Variants in CD83 observed in about 807,000 individuals in gnomAD.
The protein encoded by CD83 is CD83 antigen.
Under a neutral mutation model 24.6 loss-of-function variants are expected in CD83, and 22 were observed. The ratio of observed to expected loss-of-function variants is 0.90; its 90% CI spans 0.64 to 1.28. CD83 has a LOEUF of 1.28. Among genes scored for constraint, CD83 ranks in the 50% most tolerant of loss-of-function variants. CD83 has a pLI of 0.00. For synonymous variants in CD83, 101 were observed against 103.5 expected (o/e 0.98, Z 0.14); for missense variants, 253 against 252.8 (o/e 1.00, Z -0.01).
At chr6:14,125,015 T>C (rs1759772734) in intron 2 of CD83, among the ~76,000 whole-genome samples, 1 of 151,998 alleles carries the variant, frequency 6.6e-6, no homozygotes, top group Non-Finnish European at 1.5e-5. Flanking sequence ...GACACAGGGA[T>C]TGGAGTGATG....
intron 2 of CD83, among the ~76,000 whole-genome samples, chr6:14,126,348 G>A (rs1759813131): frequency 6.6e-6 from 1 of 152,178 alleles, no homozygotes; most frequent in Admixed American, 6.5e-5. Flanking sequence ...ATGATGCTTA[G>A]GGTCTGTATA....
intron 2 of CD83, among the ~76,000 whole-genome samples, chr6:14,122,743 T>C (rs991981680): frequency 1.3e-5 from 2 of 152,264 alleles, no homozygotes; most frequent in Non-Finnish European, 1.5e-5. Flanking sequence ...GATGTAAAGT[T>C]GCTTTTCAGA....
rs1758022548 is a variant in CD83, at chr6:14,135,281, G to T, written c.*45G>T. 2 of 1,597,488 alleles carry T rather than the reference G, an allele frequency of 1.3e-6. No homozygotes were observed. Among genetic ancestry groups the T allele is most frequent in the African/African-American group, 1.3e-5 (1 of 74,498 alleles). ...TTCTTCCTGAAGCTGAGGCTCAGGG[G>T]TGTGCCTGTCTGTTACACTGGAGGA... On this transcript the variant is annotated 3_prime_UTR_variant, in exon 5 of 5. Coordinates refer to ENST00000379153, the MANE Select transcript of CD83 (RefSeq NM_004233.4).
intron 2 of CD83, among the ~76,000 whole-genome samples, chr6:14,127,629 A>G (rs941467977): frequency 8.6e-5 from 13 of 152,012 alleles, no homozygotes; most frequent in African/African-American, 3.1e-4. Context: ...CTGCAAATGA[A>G]AGAGAGTTTG....
intron 2 of CD83, 77 bp from the exon 3 acceptor site, chr6:14,131,443 A>T: frequency 9.0e-7 from 1 of 1,107,562 alleles, no homozygotes; most frequent in East Asian, 2.4e-5. Context: ...GGATCTTCTG[A>T]AAACAAAATG....
chr6:14,117,987 G>A lies in CD83; in HGVS notation c.75G>A (p.Val25=), dbSNP rs755396165. The change falls in exon 2 of 5, where the codon GTG becomes GTA. Residue 25 remains valine, a synonymous_variant. Coordinates refer to ENST00000379153, the MANE Select transcript of CD83 (RefSeq NM_004233.4). This position sits in a 1 kb window ranked among gnomAD's most constrained non-coding sequence, Gnocchi z 4.6. ...CTCCCGCGACGCCGGAGGTGAAGGT[G>A]GCTTGCTCCGAAGATGTGGACTTGC... ...SLAPATPEVK[V]ACSEDVDLPC... 3.1e-6 allele frequency: 5 copies of A among 1,611,138 alleles called. No individual in the cohort carries two copies. In the South Asian group the frequency reaches 5.5e-5, roughly 18 times the overall value.
intron 2 of CD83, among the ~76,000 whole-genome samples, chr6:14,119,237 C>T (rs116385595): frequency 4.8e-4 from 73 of 152,258 alleles, no homozygotes; most frequent in Middle Eastern, 3.4e-3. Flanking sequence ...TTATGCATGA[C>T]GGGGATGGTG....
chr6:14,135,283 G>A lies in CD83; in HGVS notation c.*47G>A. ...CTTCCTGAAGCTGAGGCTCAGGGGT[G>A]TGCCTGTCTGTTACACTGGAGGAGA... On this transcript the variant is annotated 3_prime_UTR_variant, in exon 5 of 5. Transcript: ENST00000379153. The A allele has an allele frequency of 6.3e-7, 1 of 1,595,748 alleles. No homozygotes were observed. The highest frequency in any genetic ancestry group is 8.6e-7 in the Non-Finnish European group (1 of 1,167,896).
intron 2 of CD83, among the ~76,000 whole-genome samples, chr6:14,123,679 C>G (rs1305345144): frequency 1.5e-5 from 2 of 131,734 alleles, no homozygotes; most frequent in African/African-American, 5.8e-5. Flanking sequence ...AATAGTGGAA[C>G]AGAGCACAAG....
At chr6:14,121,993 T>TG (rs1343047038) in intron 2 of CD83, among the ~76,000 whole-genome samples, 2 of 152,136 alleles carry the variant, frequency 1.3e-5, no homozygotes, top group Non-Finnish European at 2.9e-5. Context: ...TGACAGCCTA[T>TG]GGGTGATGCA....
intron 2 of CD83, among the ~76,000 whole-genome samples, chr6:14,118,386 G>A (rs531697427): frequency 1.3e-5 from 2 of 152,336 alleles, no homozygotes; most frequent in South Asian, 2.1e-4. Flanking sequence ...GGCCACCTGT[G>A]GTTGTGGGCC....
intron 2 of CD83, among the ~76,000 whole-genome samples, chr6:14,123,603 G>A (rs999095443): frequency 3.9e-5 from 6 of 152,000 alleles, no homozygotes; most frequent in Non-Finnish European, 8.8e-5. Context: ...GAATGAGGCC[G>A]CCTCTGAGTG....
rs1015093301 is a variant in CD83, at chr6:14,119,242, A to G, written c.153+1177A>G. Among the ~76,000 whole-genome samples, 7 of 152,316 alleles carry G rather than the reference A, an allele frequency of 4.6e-5. No individual in the cohort carries two copies. In the East Asian group the frequency reaches 1.3e-3, roughly 29 times the overall value. On this transcript the variant is annotated intron_variant, in intron 2 of 4. Coordinates refer to ENST00000379153, the MANE Select transcript of CD83 (RefSeq NM_004233.4). The stretch of plus-strand genomic sequence containing the variant: ...ACTTCATGAGTTATGCATGACGGGG[A>G]TGGTGCTGCTGCCTCAGAGCATTGT...
rs898671907 is a variant in CD83, at chr6:14,129,051, T to C, written c.154-2469T>C. 2.6e-5 allele frequency among the ~76,000 whole-genome samples: 4 copies of C among 151,990 alleles called. No individual in the cohort carries two copies. Among genetic ancestry groups the C allele is most frequent in the Non-Finnish European group, 5.9e-5 (4 of 67,984 alleles). On this transcript the variant is annotated intron_variant, in intron 2 of 4. Coordinates refer to ENST00000379153, the MANE Select transcript of CD83 (RefSeq NM_004233.4). The surrounding 1 kb of genome is among the most constrained non-coding windows in gnomAD (Gnocchi z 4.3). ...GGGGTTCACAGTGTTGATCTTGACT[T>C]TCAGATGGGCCTTTCTGAGCTGAGG...
chr6:14,128,783 A>G (rs769789267), intron 2 of CD83, among the ~76,000 whole-genome samples: 1 of 152,172 alleles, frequency 6.6e-6, no homozygotes, highest in Non-Finnish European at 1.5e-5. Context: ...TTTGCCATTT[A>G]AAAATAACTA....
intron 3 of CD83, 58 bp from the exon 4 acceptor site, chr6:14,133,591 T>C: frequency 8.3e-7 from 1 of 1,204,848 alleles, no homozygotes; most frequent in Non-Finnish European, 1.2e-6. Context: ...TCTTAGCTTT[T>C]TTTCATGGTA....
intron 2 of CD83, among the ~76,000 whole-genome samples, chr6:14,127,768 A>G (rs899198574): frequency 6.6e-6 from 1 of 152,228 alleles, no homozygotes; most frequent in Non-Finnish European, 1.5e-5. Context: ...TCTGAAAATG[A>G]GATGTCCCAC....
At chr6:14,133,828 A>G in intron 4 of CD83, 73 bp downstream of exon 4, 6 of 981,656 alleles carry the variant, frequency 6.1e-6, no homozygotes. Context: ...TCTCTTGCAG[A>G]TAGTGCGAAT....
chr6:14,123,869 C>T (rs1204743604), intron 2 of CD83, among the ~76,000 whole-genome samples: 2 of 151,390 alleles, frequency 1.3e-5, no homozygotes, highest in Non-Finnish European at 2.9e-5. Flanking sequence ...AATGTCACTA[C>T]ACAAAGAAGA....
Sources: allele counts gnomAD v4.1 joint callset (sites outside exome capture counted in the v4.1 genomes callset), GRCh38; gene constraint gnomAD v4.1.1; non-coding constraint Gnocchi (gnomAD v3.1); transcripts MANE v1.5; gene names NCBI Gene and HGNC (gene_info 2026-07-23, HGNC 2026-07-21).